Variants in MYO5B observed in about 807,000 individuals in gnomAD.
MYO5B encodes the protein myosin VB.
Under a neutral mutation model 229.3 loss-of-function variants are expected in MYO5B, and 143 were observed. The ratio of observed to expected loss-of-function variants is 0.62; its 90% CI spans 0.54 to 0.72. MYO5B has a LOEUF of 0.72. Among genes scored for constraint, MYO5B ranks in the 30% least tolerant of loss-of-function variants. MYO5B has a pLI of 0.00. For missense variants in MYO5B, 2,321 were observed against 2,331.0 expected (o/e 1.00, Z 0.09); for synonymous variants, 918 against 885.2 (o/e 1.04, Z -0.66).
chr18:50,087,464 TAGGG>T lies in MYO5B; in HGVS notation c.28-32090_28-32087del, dbSNP rs376685236. On this transcript the variant is annotated intron_variant, in intron 1 of 39. Coordinates refer to ENST00000285039, the MANE Select transcript of MYO5B (RefSeq NM_001080467.3). ...GGCACGCGCCTGTAATCCCAGCTAC[TAGGG>T]AGGGTGAGGCAGGAGAATCGCTTGA... is the stretch of plus-strand genomic sequence containing the variant. Among the ~76,000 whole-genome samples the T allele has an allele frequency of 3.9e-4, 58 of 149,568 alleles. No homozygotes were observed. The East Asian group carries it at 0.01, about 27-fold the overall frequency.
At position 49,902,668 on chromosome 18, in the gene MYO5B, C is replaced by T; in HGVS notation, c.2737G>A (p.Ala913Thr). The change falls in exon 21 of 40, where the codon GCA (alanine) becomes ACA (threonine). Residue 913 changes from alanine (A) to threonine (T), a missense_variant. By Grantham distance (58) the Ala-to-Thr change is moderately conservative. Around this residue, in one of 2 missense-constraint regions of MYO5B, gnomAD observed 2,113 missense variants for 2,044.7 expected, o/e 1.03. Transcript: ENST00000285039. ...LKALRIEARS[A>T]EHLKRLNVGM... is the part of the protein sequence containing the mutation. ...ACGTTGAGACGTTTCAGATGCTCTGCTGAGCGGGCCTCAATCCTGAGGGCC... is the reference window on the plus strand; with the variant it reads ...ACGTTGAGACGTTTCAGATGCTCTGTTGAGCGGGCCTCAATCCTGAGGGCC... 6.2e-7 allele frequency: 1 copy of T among 1,613,216 alleles called. No individual in the cohort carries two copies.
At chr18:50,190,271 G>A (rs1619740) in intron 1 of MYO5B, among the ~76,000 whole-genome samples, 133,779 of 152,296 alleles carry the variant, frequency 0.88, 58,866 homozygotes, top group Middle Eastern at 0.9. Context: ...CAATCATCAT[G>A]ATGAAATGGT....
intron 4 of MYO5B, among the ~76,000 whole-genome samples, chr18:50,019,730 C>G (rs1028190223): frequency 6.6e-6 from 1 of 152,190 alleles, no homozygotes; most frequent in Non-Finnish European, 1.5e-5. Flanking sequence ...AGTCTCGTAC[C>G]TGGTGGCCTC....
intron 21 of MYO5B, among the ~76,000 whole-genome samples, chr18:49,895,401 A>AGAGC (rs1365129089): frequency 9.8e-6 from 1 of 102,012 alleles, no homozygotes; most frequent in Non-Finnish European, 2.0e-5. Flanking sequence ...TGACATTCAA[A>AGAGC]GAGCTCAAGG....
chr18:50,036,183 TC>T (rs1199471511), intron 4 of MYO5B, among the ~76,000 whole-genome samples: 2 of 152,162 alleles, frequency 1.3e-5, no homozygotes, highest in African/African-American at 2.4e-5. Context: ...GACCTGCATT[TC>T]CCCCAAAACA....
chr18:49,911,235 G>A (rs1170432025), intron 18 of MYO5B, among the ~76,000 whole-genome samples: 1 of 152,190 alleles, frequency 6.6e-6, no homozygotes, highest in African/African-American at 2.4e-5. Context: ...AGAGAAGCCA[G>A]AGATCCTGAG....
chr18:50,049,429 A>G (rs1220694410), intron 2 of MYO5B, among the ~76,000 whole-genome samples: 4 of 152,236 alleles, frequency 2.6e-5, no homozygotes, highest in Non-Finnish European at 5.9e-5. Context: ...AAAAATATGG[A>G]GTCAAAGTTC....
chr18:49,876,649 T>C (rs1234923503), intron 25 of MYO5B, among the ~76,000 whole-genome samples: 1 of 152,172 alleles, frequency 6.6e-6, no homozygotes, highest in African/African-American at 2.4e-5. Flanking sequence ...TAGTCACACA[T>C]ACAAACACCA....
At chr18:50,183,007 C>T (rs979836065) in intron 1 of MYO5B, among the ~76,000 whole-genome samples, 1 of 152,218 alleles carries the variant, frequency 6.6e-6, no homozygotes, top group East Asian at 1.9e-4. Flanking sequence ...CCACCAATTG[C>T]GTACCCAAAA....
intron 2 of MYO5B, among the ~76,000 whole-genome samples, chr18:50,045,993 G>C (rs771544417): frequency 1.3e-4 from 20 of 152,234 alleles, no homozygotes; most frequent in Non-Finnish European, 2.5e-4. Flanking sequence ...AAACATGTTT[G>C]AATGACACTC....
chr18:50,179,963 T>C (rs146386464), intron 1 of MYO5B, among the ~76,000 whole-genome samples: 147 of 152,210 alleles, frequency 9.7e-4, no homozygotes, highest in African/African-American at 3.3e-3. Flanking sequence ...CAACACAAAG[T>C]GCAGGAAGGT....
At chr18:49,945,092 G>A (rs1787539) in intron 14 of MYO5B, among the ~76,000 whole-genome samples, 89,035 of 151,838 alleles carry the variant, frequency 0.59, 26,572 homozygotes, top group Middle Eastern at 0.73. Context: ...CCTGCCCGGC[G>A]CCCTTCCCAG....
chr18:50,067,062 T>A (rs895526913), intron 1 of MYO5B, among the ~76,000 whole-genome samples: 15 of 152,194 alleles, frequency 9.9e-5, no homozygotes, highest in African/African-American at 3.1e-4. Flanking sequence ...GTGTTCCTCA[T>A]AAGAAAAGAC....
At chr18:50,173,621 T>C (rs887572764) in intron 1 of MYO5B, among the ~76,000 whole-genome samples, 1 of 152,018 alleles carries the variant, frequency 6.6e-6, no homozygotes, top group Non-Finnish European at 1.5e-5. Flanking sequence ...AGAGCGAGGA[T>C]TCAAGTAACG....
chr18:49,960,984 C>T (rs974649161), intron 12 of MYO5B, among the ~76,000 whole-genome samples: 7 of 152,204 alleles, frequency 4.6e-5, no homozygotes, highest in African/African-American at 4.8e-5. Context: ...CAAGACATGG[C>T]GCTGCCTTTA....
At chr18:50,106,845 G>C (rs1230145883) in intron 1 of MYO5B, among the ~76,000 whole-genome samples, 1 of 152,212 alleles carries the variant, frequency 6.6e-6, no homozygotes, top group Non-Finnish European at 1.5e-5. Flanking sequence ...CTTGCCGATA[G>C]ATAATTTGTG....
At chr18:50,136,199 A>C (rs1056420068) in intron 1 of MYO5B, among the ~76,000 whole-genome samples, 2 of 152,236 alleles carry the variant, frequency 1.3e-5, no homozygotes, top group African/African-American at 2.4e-5. Context: ...AAGGTCCCAC[A>C]GTATGTACTT....
chr18:49,845,886 G>C (rs1284650940), intron 33 of MYO5B, among the ~76,000 whole-genome samples: 1 of 152,240 alleles, frequency 6.6e-6, no homozygotes, highest in African/African-American at 2.4e-5. Context: ...AGCTGCACAG[G>C]TCACACAGAC....
chr18:50,128,699 A>C (rs915004776), intron 1 of MYO5B, among the ~76,000 whole-genome samples: 3 of 152,218 alleles, frequency 2.0e-5, no homozygotes, highest in African/African-American at 7.2e-5. Flanking sequence ...GCCACGTGCC[A>C]GCACCTAAGA....
Sources: gnomAD v4.1 joint callset for allele counts (sites outside exome capture counted in the v4.1 genomes callset) on GRCh38, gnomAD v4.1.1 for gene constraint, gnomAD v4.1.1 regional missense constraint, MANE v1.5 for transcripts, NCBI Gene and HGNC (gene_info 2026-07-23, HGNC 2026-07-21) for gene names.